Variants in TMPO observed in about 807,000 individuals in gnomAD.
TMPO encodes the protein LEM domain containing 4.
In TMPO, 22 loss-of-function variants were observed where a neutral mutation model predicts 45.4. The observed-to-expected ratio is 0.48, with a 90% confidence interval of 0.35 to 0.69. The LOEUF (loss-of-function observed/expected upper bound fraction) is 0.69. TMPO is among the 30% of genes least tolerant of loss of function. TMPO has a pLI of 0.01. For missense variants in TMPO, 512 were observed against 548.8 expected (o/e 0.93, Z 0.67); for synonymous variants, 241 against 204.1 (o/e 1.18, Z -1.54).
chr12:98,537,807 G>A lies in TMPO; in HGVS notation c.663+235G>A, dbSNP rs1877666015. 3 of 599,136 alleles carry A rather than the reference G, an allele frequency of 5.0e-6. No homozygotes were observed. In the East Asian group the frequency reaches 8.2e-5, roughly 16 times the overall value. 37.1% of individuals were successfully genotyped at this position (599,136 alleles called of 1,614,324 possible). Reference sequence around the variant, plus strand: ...ATTTGTGTTTGAGTCTGTGCTAGATGTAGTTCAAAGCCAGTTATATGGTGT... The same window carrying A: ...ATTTGTGTTTGAGTCTGTGCTAGATATAGTTCAAAGCCAGTTATATGGTGT... On this transcript the variant is annotated intron_variant, in intron 4 of 8. Coordinates refer to ENST00000556029, the MANE Select transcript of TMPO (RefSeq NM_001032283.3).
At chr12:98,539,015 A>G (rs1485002148) in intron 4 of TMPO, among the ~76,000 whole-genome samples, 1 of 152,004 alleles carries the variant, frequency 6.6e-6, no homozygotes, top group Non-Finnish European at 1.5e-5. Context: ...AGCCTGACCA[A>G]CATGGAGAAA....
chr12:98,521,333 G>C (rs1429572404), intron 1 of TMPO, among the ~76,000 whole-genome samples: 1 of 150,926 alleles, frequency 6.6e-6, no homozygotes, highest in Admixed American at 6.6e-5. Flanking sequence ...AGGATGGTCT[G>C]GATCTCCTGA....
rs1555201569 is a variant in TMPO at position 98,515,955 on chromosome 12, G to C, written c.88G>C (p.Gly30Arg). The C allele has an allele frequency of 7.4e-6, 12 of 1,613,290 alleles. No individual in the cohort carries two copies. Among genetic ancestry groups the C allele is most frequent in the Non-Finnish European group, 1.0e-5 (12 of 1,179,856 alleles). The change falls in exon 1 of 9, where the codon GGG becomes CGG. Residue 30 changes from glycine (G) to arginine (R), a missense_variant. Transcript: ENST00000556029. ...LVANNVTLPA[G>R]EQRKDVYVQL... The stretch of plus-strand genomic sequence containing the variant: ...CGCCAACAATGTGACGCTGCCGGCC[G>C]GGGAGCAGCGCAAAGACGTGTACGT...
chr12:98,546,161 A>G (rs1435129967), intron 7 of TMPO, among the ~76,000 whole-genome samples, 198 bp from the exon 8 acceptor site: 3 of 152,264 alleles, frequency 2.0e-5, no homozygotes, highest in African/African-American at 7.2e-5. Flanking sequence ...AACCACATAT[A>G]TAAGGTATCT....
At chr12:98,536,833 A>G (rs1012720418) in intron 3 of TMPO, among the ~76,000 whole-genome samples, 1 of 152,206 alleles carries the variant, frequency 6.6e-6, no homozygotes, top group Non-Finnish European at 1.5e-5. Flanking sequence ...TGTTATTTTT[A>G]TTATAAGGAC....
intron 4 of TMPO, among the ~76,000 whole-genome samples, chr12:98,540,754 A>C (rs1308577798): frequency 6.6e-6 from 1 of 152,188 alleles, no homozygotes; most frequent in Non-Finnish European, 1.5e-5. Flanking sequence ...ATTGGACGGC[A>C]CAGATCCAGA....
intron 1 of TMPO, among the ~76,000 whole-genome samples, chr12:98,518,925 A>T (rs972808599): frequency 2.6e-5 from 4 of 151,540 alleles, no homozygotes; most frequent in East Asian, 1.9e-4. Context: ...TCTGTCGCCC[A>T]GTCTGGGGTG....
intron 3 of TMPO, chr12:98,535,526 C>G: frequency 5.1e-6 from 5 of 985,308 alleles, no homozygotes; most frequent in Non-Finnish European, 6.0e-6. Flanking sequence ...TTGTTGTCTT[C>G]TGAAATGTAC....
chr12:98,536,345 C>G (rs1418065596), intron 3 of TMPO, among the ~76,000 whole-genome samples: 1 of 152,046 alleles, frequency 6.6e-6, no homozygotes, highest in East Asian at 1.9e-4. Context: ...TGATAAATGT[C>G]TACAAAAAGG....
chr12:98,545,077 T>G lies in TMPO; in HGVS notation c.990+16T>G. The G allele has an allele frequency of 6.6e-7, 1 of 1,525,876 alleles. No homozygotes were observed. Among genetic ancestry groups the G allele is most frequent in the Non-Finnish European group, 9.1e-7 (1 of 1,100,634 alleles). The allele number at this position is 1,525,876 out of a possible 1,614,324, so 94.5% of individuals were successfully genotyped here. A position where few individuals can be genotyped will look rare whatever the true frequency, so the allele number is the denominator to read the frequency against. On this transcript the variant is annotated intron_variant, in intron 7 of 8. Coordinates refer to ENST00000556029, the MANE Select transcript of TMPO (RefSeq NM_001032283.3). The stretch of plus-strand genomic sequence containing the variant: ...AAGAGCTGAAGTAAATGAATACAAT[T>G]TAGATCGATGCTATCATTGATCTTT...
chr12:98,521,100 ATTT>A (rs398044704), intron 1 of TMPO, among the ~76,000 whole-genome samples: 7,921 of 76,250 alleles, frequency 0.1, 188 homozygotes, highest in Middle Eastern at 0.21. Flanking sequence ...TTTATGAGGA[ATTT>A]TTTTTTTTTT....
At position 98,548,649 on chromosome 12, in the gene TMPO, C is replaced by T. The variant is rs1338457164; in HGVS notation, c.*791C>T. On this transcript the variant is annotated 3_prime_UTR_variant, in exon 9 of 9. Transcript: ENST00000556029. Reference sequence around the variant, plus strand: ...ATTTACAGCAAAACATTTATTCAGTCATCCAGTTTGCTACCAAAATATGTT... The same window carrying T: ...ATTTACAGCAAAACATTTATTCAGTTATCCAGTTTGCTACCAAAATATGTT... 1 of 152,194 alleles carries T rather than the reference C, an allele frequency of 6.6e-6. No individual in the cohort carries two copies. Among genetic ancestry groups the T allele is most frequent in the Non-Finnish European group, 1.5e-5 (1 of 68,036 alleles). The allele number at this position is 152,194 out of a possible 1,614,324, so 9.4% of individuals were successfully genotyped here. A position where few individuals can be genotyped will look rare whatever the true frequency, so the allele number is the denominator to read the frequency against.
At chr12:98,539,164 C>T (rs1054645608) in intron 4 of TMPO, among the ~76,000 whole-genome samples, 1 of 151,998 alleles carries the variant, frequency 6.6e-6, no homozygotes, top group African/African-American at 2.4e-5. Flanking sequence ...CGCGCCATTG[C>T]ACTCTAGCCT....
intron 3 of TMPO, chr12:98,534,922 A>G: frequency 2.1e-6 from 2 of 954,918 alleles, no homozygotes; most frequent in Non-Finnish European, 2.5e-6. Flanking sequence ...TTACTTATCC[A>G]CAGGCAAGAT....
At chr12:98,530,176 TA>T (rs879588209) in intron 2 of TMPO, among the ~76,000 whole-genome samples, 208 of 143,616 alleles carry the variant, frequency 1.4e-3, no homozygotes, top group Middle Eastern at 3.5e-3. Context: ...TGTCTCTATT[TA>T]AAAAAAAAAA....
chr12:98,520,204 C>T (rs1160838783), intron 1 of TMPO, among the ~76,000 whole-genome samples: 3 of 151,982 alleles, frequency 2.0e-5, no homozygotes, highest in African/African-American at 7.3e-5. Flanking sequence ...AGTTGATCCA[C>T]CCGCCTGAGC....
chr12:98,542,728 C>T (rs762391444), intron 4 of TMPO, among the ~76,000 whole-genome samples: 8 of 152,058 alleles, frequency 5.3e-5, no homozygotes, highest in Non-Finnish European at 1.0e-4. Context: ...TGTGCTGGTG[C>T]GTGCCTGTAA....
In TMPO at chr12:98,515,682, G is replaced by A; in HGVS notation, c.-186G>A. The A allele has an allele frequency of 7.8e-7, 1 of 1,287,018 alleles. No homozygotes were observed. Among genetic ancestry groups the A allele is most frequent in the Non-Finnish European group, 1.1e-6 (1 of 944,638 alleles). 79.7% of individuals were successfully genotyped at this position (1,287,018 alleles called of 1,614,324 possible). A position where few individuals can be genotyped will look rare whatever the true frequency, so the allele number is the denominator to read the frequency against. On this transcript the variant is annotated 5_prime_UTR_variant, in exon 1 of 9. Transcript: ENST00000556029. ...GCAGTTGGTTCGTAGTTCGGCTCTGGGGTCTTTTGTGTCCGGGTCTGGCTT... is the reference window on the plus strand; with the variant it reads ...GCAGTTGGTTCGTAGTTCGGCTCTGAGGTCTTTTGTGTCCGGGTCTGGCTT...
At chr12:98,546,302 T>G (rs1878223918) in intron 7 of TMPO, 57 bp from the exon 8 acceptor site, 5 of 1,123,640 alleles carry the variant, frequency 4.4e-6, no homozygotes, top group Non-Finnish European at 6.8e-6. Flanking sequence ...GTTTTAATTA[T>G]TGCATGTTTA....
Sources: gnomAD v4.1 joint callset for allele counts (sites outside exome capture counted in the v4.1 genomes callset) on GRCh38, gnomAD v4.1.1 for gene constraint, MANE v1.5 for transcripts, NCBI Gene and HGNC (gene_info 2026-07-23, HGNC 2026-07-21) for gene names.